DLC1: variants seen among roughly 807,000 people sequenced by gnomAD.
The protein encoded by DLC1 is DLC1 Rho GTPase activating protein, also known as rho GTPase-activating protein 7.
DLC1 carries 54 observed loss-of-function variants against 140.3 expected under a neutral mutation model. The observed-to-expected ratio is 0.38, with a 90% CI of 0.31 to 0.48. The LOEUF (loss-of-function observed/expected upper bound fraction) is 0.48, where lower values mean the gene tolerates loss of function less well. Among genes scored for constraint, DLC1 ranks in the 20% least tolerant of loss-of-function variants. The pLI is 0.96. For missense variants in DLC1, 2,536 were observed against 1,907.0 expected (o/e 1.33, Z -6.14); for synonymous variants, 986 against 728.1 (o/e 1.35, Z -5.70).
chr8:13,184,267 CT>C (rs1175450620), intron 5 of DLC1, among the ~76,000 whole-genome samples: 1 of 152,110 alleles, frequency 6.6e-6, no homozygotes, highest in East Asian at 1.9e-4. Context: ...AAAAAACCAG[CT>C]TCTGGATTCA....
Position 13,389,579 on chromosome 8 carries a change from A to G in DLC1, c.1314+3974T>C, listed in dbSNP as rs7008549. Reference sequence around the variant, plus strand: ...CATTTTAACTTTCATTTTTTTATGAAATATACCTCAGAAATCTATATTACT... The same window carrying G: ...CATTTTAACTTTCATTTTTTTATGAGATATACCTCAGAAATCTATATTACT... On this transcript the variant is annotated intron_variant, in intron 4 of 17. Coordinates refer to ENST00000276297, the MANE Select transcript of DLC1 (RefSeq NM_182643.3). 2.7e-3 allele frequency among the ~76,000 whole-genome samples: 414 copies of G among 152,208 alleles called. 2 individuals are homozygous for G. The highest frequency in any genetic ancestry group is 9.7e-3 in the African/African-American group (404 of 41,552).
chr8:13,456,466 T>A (rs1411910681), intron 2 of DLC1, among the ~76,000 whole-genome samples: 1 of 151,680 alleles, frequency 6.6e-6, no homozygotes, highest in Non-Finnish European at 1.5e-5. Context: ...TTTTTTTTTA[T>A]TTTTATTTTT....
intron 5 of DLC1, among the ~76,000 whole-genome samples, chr8:13,299,185 G>A (rs1832083277): frequency 6.6e-6 from 1 of 151,952 alleles, no homozygotes; most frequent in South Asian, 2.1e-4. Context: ...GCTCATGCCT[G>A]TAATCCCAGC....
At chr8:13,587,764 G>T (rs1805381050) in intron 1 of DLC1, among the ~76,000 whole-genome samples, 1 of 151,682 alleles carries the variant, frequency 6.6e-6, no homozygotes, top group Admixed American at 6.6e-5. Flanking sequence ...AGCAATCAGA[G>T]AACTAAAATA....
chr8:13,315,936 A>G (rs917010870), intron 4 of DLC1, among the ~76,000 whole-genome samples: 2 of 152,232 alleles, frequency 1.3e-5, no homozygotes, highest in African/African-American at 4.8e-5. Context: ...GTCTAGTATT[A>G]TATGAGATGC....
chr8:13,083,849 C>G lies in DLC1; in HGVS notation c.*1962G>C, dbSNP rs1465089691. 1 of 152,584 alleles carries G rather than the reference C, an allele frequency of 6.6e-6. No individual in the cohort carries two copies. Among genetic ancestry groups the G allele is most frequent in the East Asian group, 1.9e-4 (1 of 5,182 alleles). The allele number at this position is 152,584 out of a possible 1,614,324, so 9.5% of individuals were successfully genotyped here. On this transcript the variant is annotated 3_prime_UTR_variant, in exon 18 of 18. Coordinates refer to ENST00000276297, the MANE Select transcript of DLC1 (RefSeq NM_182643.3). ...TTTGATTGTAGTTGATGCTAAAATG[C>G]TATGCTTTGCAATCTGTGGTTTTAA...
chr8:13,492,500 G>GTCTC (rs368098461), intron 2 of DLC1, among the ~76,000 whole-genome samples: 1 of 145,632 alleles, frequency 6.9e-6, no homozygotes, highest in African/African-American at 2.5e-5. Context: ...TACTCTCTCT[G>GTCTC]TCTCTCTCTC....
intron 5 of DLC1, among the ~76,000 whole-genome samples, chr8:13,180,634 C>A (rs1825979439): frequency 6.6e-6 from 1 of 151,820 alleles, no homozygotes; most frequent in South Asian, 2.1e-4. Context: ...TAGAACTGGT[C>A]ACTAAATCAA....
At chr8:13,475,478 C>T (rs1800395261) in intron 2 of DLC1, among the ~76,000 whole-genome samples, 1 of 151,942 alleles carries the variant, frequency 6.6e-6, no homozygotes, top group Non-Finnish European at 1.5e-5. Context: ...TAGCGTGTGC[C>T]CAGAAGCCAT....
intron 5 of DLC1, among the ~76,000 whole-genome samples, chr8:13,225,056 T>C (rs1170639585): frequency 3.3e-5 from 5 of 152,166 alleles, no homozygotes; most frequent in African/African-American, 4.8e-5. Context: ...TTCTTGAAGA[T>C]CCCAGCCACT....
intron 2 of DLC1, among the ~76,000 whole-genome samples, chr8:13,462,866 G>T (rs555648441): frequency 6.6e-6 from 1 of 152,140 alleles, no homozygotes; most frequent in Non-Finnish European, 1.5e-5. Flanking sequence ...GTTTAAAAAA[G>T]AACGTTGAAC....
chr8:13,264,367 C>A (rs1830601683), intron 5 of DLC1, among the ~76,000 whole-genome samples: 1 of 152,110 alleles, frequency 6.6e-6, no homozygotes, highest in South Asian at 2.1e-4. Context: ...GCTACTGTGC[C>A]CAGCCCAGAA....
intron 1 of DLC1, chr8:13,584,548 A>C (rs1312418950): frequency 6.6e-6 from 1 of 152,200 alleles, no homozygotes. Flanking sequence ...ACATTCTGGG[A>C]TATGTACCGG....
chr8:13,433,258 T>C (rs1838969455), intron 2 of DLC1, among the ~76,000 whole-genome samples: 1 of 152,142 alleles, frequency 6.6e-6, no homozygotes. Context: ...TTCTCTTTGA[T>C]AAAAATGGCG....
At chr8:13,168,307 A>G (rs564180558) in intron 5 of DLC1, among the ~76,000 whole-genome samples, 38 of 152,306 alleles carry the variant, frequency 2.5e-4, no homozygotes, top group African/African-American at 8.2e-4. Context: ...GGAAGGACCA[A>G]TATTTTCCTA....
chr8:13,100,711 C>T lies in DLC1; in HGVS notation c.1626G>A (p.Arg542=), dbSNP rs2128937862. Reference sequence around the variant, plus strand: ...CAAGCCGGGACCACCTCTTGCTGTCCCTTTGGAAAGTCCATTTGCCACTGA... The same window carrying T: ...CAAGCCGGGACCACCTCTTGCTGTCTCTTTGGAAAGTCCATTTGCCACTGA... ...CAISGKWTFQ[R]DSKRWSRLEE... The change falls in exon 9 of 18, where the codon AGG becomes AGA. Residue 542 remains arginine (R), a synonymous_variant. Coordinates refer to ENST00000276297, the MANE Select transcript of DLC1 (RefSeq NM_182643.3). 7 of 1,608,024 alleles carry T rather than the reference C, an allele frequency of 4.4e-6. No homozygotes were observed. Among genetic ancestry groups the T allele is most frequent in the Non-Finnish European group, 5.9e-6 (7 of 1,177,546 alleles).
intron 5 of DLC1, among the ~76,000 whole-genome samples, chr8:13,283,325 C>CACACAG (rs1554489235): frequency 6.6e-6 from 1 of 150,504 alleles, no homozygotes; most frequent in African/African-American, 2.4e-5. Context: ...CACACACACA[C>CACACAG]AGAAAAGAAA....
intron 5 of DLC1, among the ~76,000 whole-genome samples, chr8:13,206,247 A>G (rs1241226389): frequency 6.6e-6 from 1 of 152,164 alleles, no homozygotes; most frequent in African/African-American, 2.4e-5. Flanking sequence ...GAATCCTTGG[A>G]AAACAACGTG....
At chr8:13,462,253 G>GT (rs1389216592) in intron 2 of DLC1, among the ~76,000 whole-genome samples, 2 of 151,926 alleles carry the variant, frequency 1.3e-5, no homozygotes, top group Non-Finnish European at 2.9e-5. Flanking sequence ...TTTTTTATTT[G>GT]TCATTTTATC....
Sources: allele counts gnomAD v4.1 joint callset (sites outside exome capture counted in the v4.1 genomes callset), GRCh38; gene constraint gnomAD v4.1.1; transcripts MANE v1.5; gene names NCBI Gene and HGNC (gene_info 2026-07-23, HGNC 2026-07-21).